The following ZDHHC21 variants were observed in gnomAD, a reference collection of about 807,000 sequenced individuals.
ZDHHC21 encodes the protein palmitoyltransferase ZDHHC21.
A neutral mutation model predicts 34.6 loss-of-function variants in ZDHHC21; 15 were observed. The observed-to-expected ratio is 0.43, with a 90% confidence interval of 0.29 to 0.67. The LOEUF is 0.67. Among genes scored for constraint, ZDHHC21 ranks in the 30% least tolerant of loss-of-function variants. ZDHHC21 has a pLI of 0.14. For missense variants in ZDHHC21, 344 were observed against 327.7 expected (o/e 1.05, Z -0.38); for synonymous variants, 142 against 101.8 (o/e 1.40, Z -2.38).
intron 7 of ZDHHC21, among the ~76,000 whole-genome samples, chr9:14,654,036 T>C (rs563936766): frequency 6.6e-6 from 1 of 152,118 alleles, no homozygotes; most frequent in East Asian, 1.9e-4. Context: ...TATCTGAAAG[T>C]ACCTGTCAAT....
chr9:14,618,391 G>A lies in ZDHHC21; in HGVS notation c.*575C>T, dbSNP rs1195622980. On this transcript the variant is annotated 3_prime_UTR_variant, in exon 10 of 10. Transcript: ENST00000380916. ...AGAAAAAAGAAGAAAACGTAAGCAAGCCACTCCTAAGAAACCAATGCCCGT... is the reference window on the plus strand; with the variant it reads ...AGAAAAAAGAAGAAAACGTAAGCAAACCACTCCTAAGAAACCAATGCCCGT... 6.6e-6 allele frequency: 1 copy of A among 152,512 alleles called. No homozygotes were observed. Among genetic ancestry groups the A allele is most frequent in the East Asian group, 1.9e-4 (1 of 5,174 alleles). 9.4% of individuals were successfully genotyped at this position (152,512 alleles called of 1,614,324 possible).
chr9:14,683,761 T>C (rs1441998841), intron 2 of ZDHHC21: 4 of 152,322 alleles, frequency 2.6e-5, no homozygotes, highest in African/African-American at 9.6e-5. Flanking sequence ...AAGAGAATTT[T>C]AGACCAATAT....
chr9:14,645,748 G>T (rs908907610), intron 7 of ZDHHC21, among the ~76,000 whole-genome samples: 1 of 151,876 alleles, frequency 6.6e-6, no homozygotes, highest in Admixed American at 6.6e-5. Flanking sequence ...AGTCAAATGG[G>T]AAAAATACTT....
In ZDHHC21 at chr9:14,613,068, G is replaced by A. The variant is rs1823590938; in HGVS notation, c.*5898C>T. On this transcript the variant is annotated 3_prime_UTR_variant, in exon 10 of 10. Transcript: ENST00000380916. The stretch of plus-strand genomic sequence containing the variant: ...GCTTCAATTATCTTTTGTAATTTCA[G>A]CCTATCAAACTACCTTTTAAAGTAG... The A allele has an allele frequency of 1.3e-5, 2 of 151,592 alleles. No individual in the cohort carries two copies. The highest frequency in any genetic ancestry group is 3.0e-5 in the Non-Finnish European group (2 of 67,768). 9.4% of individuals were successfully genotyped at this position (151,592 alleles called of 1,614,324 possible). A position where few individuals can be genotyped will look rare whatever the true frequency, so the allele number is the denominator to read the frequency against.
At chr9:14,690,779 G>C (rs184478163) in intron 1 of ZDHHC21, among the ~76,000 whole-genome samples, 1 of 152,264 alleles carries the variant, frequency 6.6e-6, no homozygotes, top group Admixed American at 6.5e-5. Context: ...AAACTAGTCT[G>C]ACTTGACTTA....
chr9:14,674,420 A>G (rs1302384499), intron 3 of ZDHHC21, 35 bp from the exon 4 acceptor site: 5 of 1,410,820 alleles, frequency 3.5e-6, no homozygotes, highest in Admixed American at 2.8e-5. Flanking sequence ...AATTACTTAC[A>G]TAGAAAAATT....
At chr9:14,644,336 G>A (rs13301062) in intron 7 of ZDHHC21, among the ~76,000 whole-genome samples, 1 of 152,032 alleles carries the variant, frequency 6.6e-6, no homozygotes, top group Non-Finnish European at 1.5e-5. Flanking sequence ...ATTTCCTTCA[G>A]CAGTTGTACC....
At chr9:14,640,860 G>A (rs553683778) in intron 7 of ZDHHC21, among the ~76,000 whole-genome samples, 1 of 152,130 alleles carries the variant, frequency 6.6e-6, no homozygotes, top group Non-Finnish European at 1.5e-5. Context: ...AAGACACTGT[G>A]GTGGGAAGAC....
At chr9:14,607,464 T>C (rs1823048409), downstream of ZDHHC21, among the ~76,000 whole-genome samples, 1 of 152,074 alleles carries the variant, frequency 6.6e-6, no homozygotes, top group African/African-American at 2.4e-5. Context: ...GATAGGAATA[T>C]CATATATAAC....
chr9:14,619,796 G>A (rs1824961338), intron 8 of ZDHHC21, 114 bp from the exon 9 acceptor site: 9 of 525,834 alleles, frequency 1.7e-5, no homozygotes, highest in Non-Finnish European at 2.6e-5. Flanking sequence ...GATTTAAACA[G>A]TTTATATATG....
intron 8 of ZDHHC21, among the ~76,000 whole-genome samples, chr9:14,627,789 T>C (rs1451542698): frequency 1.3e-5 from 2 of 152,166 alleles, no homozygotes; most frequent in African/African-American, 2.4e-5. Context: ...ACATGACAAA[T>C]ACAATCACCC....
At chr9:14,625,870 T>C (rs1826115606) in intron 8 of ZDHHC21, among the ~76,000 whole-genome samples, 1 of 151,982 alleles carries the variant, frequency 6.6e-6, no homozygotes, top group Admixed American at 6.6e-5. Context: ...CATTCATTTA[T>C]CCATCTATCA....
Position 14,613,315 on chromosome 9 carries a change from G to C in ZDHHC21, c.*5651C>G, listed in dbSNP as rs922598273. On this transcript the variant is annotated 3_prime_UTR_variant, in exon 10 of 10. Coordinates refer to ENST00000380916, the MANE Select transcript of ZDHHC21 (RefSeq NM_178566.6). ...AAAAGAAAATTAACTCTTTGGTACA[G>C]GAATTAAAAATGTCACTCAATGCTA... 6.6e-5 allele frequency: 10 copies of C among 151,798 alleles called. No individual in the cohort carries two copies. Among genetic ancestry groups the C allele is most frequent in the African/African-American group, 2.4e-4 (10 of 41,404 alleles). The allele number at this position is 151,798 out of a possible 1,614,324, so 9.4% of individuals were successfully genotyped here.
chr9:14,683,136 A>G (rs1587460771), intron 2 of ZDHHC21, among the ~76,000 whole-genome samples: 1 of 152,178 alleles, frequency 6.6e-6, no homozygotes, highest in South Asian at 2.1e-4. Context: ...CTAGAGAAGC[A>G]AGAGCAAACA....
the ZDHHC21 span, among the ~76,000 whole-genome samples, chr9:14,602,908 C>G: frequency 2.3e-4 from 22 of 94,730 alleles, no homozygotes; most frequent in Admixed American, 6.9e-4. Flanking sequence ...GCCTGGAAAA[C>G]AGAGAGAGAG....
intron 3 of ZDHHC21, among the ~76,000 whole-genome samples, chr9:14,678,164 C>A (rs1056858677): frequency 6.6e-6 from 1 of 152,046 alleles, no homozygotes; most frequent in Non-Finnish European, 1.5e-5. Context: ...CCTGGCACTT[C>A]AGTTCACAAT....
At chr9:14,589,144 C>G in the ZDHHC21 span, 9 of 152,118 alleles carry the variant, frequency 5.9e-5, no homozygotes, top group Admixed American at 5.9e-4. Context: ...TGAGCCTCAA[C>G]AGAAGTGCTC....
Position 14,616,298 on chromosome 9 carries a change from A to G in ZDHHC21, c.*2668T>C, listed in dbSNP as rs184857115. 6.6e-6 allele frequency: 1 copy of G among 151,912 alleles called. No individual in the cohort carries two copies. The highest frequency in any genetic ancestry group is 2.4e-5 in the African/African-American group (1 of 41,544). The allele number at this position is 151,912 out of a possible 1,614,324, so 9.4% of individuals were successfully genotyped here. On this transcript the variant is annotated 3_prime_UTR_variant, in exon 10 of 10. Coordinates refer to ENST00000380916, the MANE Select transcript of ZDHHC21 (RefSeq NM_178566.6). ...TAAGGTTTAAAATAAAATACATAAA[A>G]TGGCTTAGTTTATCCTAATCTGATA...
chr9:14,659,772 T>G (rs551913497), intron 6 of ZDHHC21, among the ~76,000 whole-genome samples: 9 of 152,282 alleles, frequency 5.9e-5, no homozygotes, highest in African/African-American at 2.2e-4. Context: ...TGAAAAACCT[T>G]AGAGAGGCAT....
Sources: allele counts gnomAD v4.1 joint callset (sites outside exome capture counted in the v4.1 genomes callset), GRCh38; gene constraint gnomAD v4.1.1; transcripts MANE v1.5; gene names NCBI Gene and HGNC (gene_info 2026-07-23, HGNC 2026-07-21).